Variants in ADAMTSL1 observed in about 807,000 individuals in gnomAD.
ADAMTSL1 encodes the protein ADAMTS-like protein 1.
ADAMTSL1 carries 126 observed loss-of-function variants against 201.8 expected under a neutral mutation model. The ratio of observed to expected loss-of-function variants is 0.62; its 90% CI spans 0.54 to 0.72. The LOEUF (loss-of-function observed/expected upper bound fraction) is 0.72, where lower values mean the gene tolerates loss of function less well. ADAMTSL1 is among the 30% of genes least tolerant of loss of function. The pLI is 0.00. For missense variants in ADAMTSL1, 2,679 were observed against 2,277.8 expected (o/e 1.18, Z -3.59); for synonymous variants, 1,121 against 903.4 (o/e 1.24, Z -4.32).
chr9:18,527,711 T>C (rs1819174333), intron 2 of ADAMTSL1, among the ~76,000 whole-genome samples: 1 of 152,156 alleles, frequency 6.6e-6, no homozygotes. Context: ...ACTAATCTCT[T>C]AAGTGAATTA....
chr9:18,408,189 C>A (rs542181636), intron 2 of ADAMTSL1, among the ~76,000 whole-genome samples: 2 of 152,222 alleles, frequency 1.3e-5, no homozygotes, highest in African/African-American at 4.8e-5. Flanking sequence ...ATATTAAGGG[C>A]CAGGCGCTGT....
intron 2 of ADAMTSL1, among the ~76,000 whole-genome samples, chr9:18,393,653 GC>G (rs1817625625): frequency 6.6e-6 from 1 of 152,182 alleles, no homozygotes; most frequent in African/African-American, 2.4e-5. Flanking sequence ...GGTGGCAAGG[GC>G]TAAGGCAATT....
intron 14 of ADAMTSL1, among the ~76,000 whole-genome samples, chr9:18,714,454 A>G (rs1587963664): frequency 6.6e-6 from 1 of 152,160 alleles, no homozygotes; most frequent in Non-Finnish European, 1.5e-5. Context: ...ACCATCAGAG[A>G]ATACTACAAA....
intron 1 of ADAMTSL1, among the ~76,000 whole-genome samples, chr9:17,945,293 A>G (rs77097913): frequency 0.13 from 14,958 of 119,162 alleles, 962 homozygotes; most frequent in South Asian, 0.19. Context: ...TTAGAATGGC[A>G]ATCATTAAAA....
intron 2 of ADAMTSL1, among the ~76,000 whole-genome samples, chr9:18,506,139 G>T (rs1364768099): frequency 6.6e-6 from 1 of 152,188 alleles, no homozygotes; most frequent in Non-Finnish European, 1.5e-5. Context: ...TTACCAGCAG[G>T]TTTGTTTGTC....
At chr9:18,066,157 G>A (rs891161628) in intron 1 of ADAMTSL1, among the ~76,000 whole-genome samples, 2 of 152,070 alleles carry the variant, frequency 1.3e-5, no homozygotes, top group Non-Finnish European at 2.9e-5. Flanking sequence ...CATAAATCCC[G>A]AAAACAATTT....
intron 2 of ADAMTSL1, among the ~76,000 whole-genome samples, chr9:18,277,200 A>C (rs1375391573): frequency 6.6e-6 from 1 of 152,212 alleles, no homozygotes; most frequent in African/African-American, 2.4e-5. Flanking sequence ...TTCACTTGAA[A>C]ATAATATGTA....
At chr9:18,305,819 G>A (rs4439225) in intron 2 of ADAMTSL1, among the ~76,000 whole-genome samples, 37,015 of 152,036 alleles carry the variant, frequency 0.24, 5,251 homozygotes, top group Admixed American at 0.43. Context: ...TGGCCTTGAA[G>A]AGAGCAGTGG....
At chr9:18,120,927 C>T (rs770564967) in intron 1 of ADAMTSL1, among the ~76,000 whole-genome samples, 7 of 152,046 alleles carry the variant, frequency 4.6e-5, no homozygotes, top group Non-Finnish European at 8.8e-5. Context: ...CACCCTCCAC[C>T]CTAACCCCTT....
rs1246388028 is a variant in ADAMTSL1, at chr9:18,356,527, T to TAA, written c.208-148279_208-148278dup. ...GGGGGACACAGTGAGACCCTGTCTT[T>TAA]AAAAAAAAAAAAAAAAAAAAAAAAG... On this transcript the variant is annotated intron_variant, in intron 2 of 29. Coordinates refer to the ADAMTSL1 transcript ENST00000680146. 1.0e-3 allele frequency among the ~76,000 whole-genome samples: 81 copies of TAA among 79,466 alleles called. 1 individual carries two copies. The highest frequency in any genetic ancestry group is 8.4e-3 in the South Asian group (16 of 1,906). 52.1% of individuals were successfully genotyped at this position (79,466 alleles called of 152,430 possible).
At chr9:18,832,009 G>C (rs1825012725) in intron 23 of ADAMTSL1, among the ~76,000 whole-genome samples, 1 of 152,178 alleles carries the variant, frequency 6.6e-6, no homozygotes, top group Admixed American at 6.5e-5. Context: ...TGAGCCCCAA[G>C]ATGAAAAATG....
At chr9:18,633,814 T>C (rs1826934585) in intron 5 of ADAMTSL1, among the ~76,000 whole-genome samples, 1 of 152,128 alleles carries the variant, frequency 6.6e-6, no homozygotes, top group Non-Finnish European at 1.5e-5. Context: ...CTCGATAATG[T>C]AACCTCTCCA....
chr9:18,197,688 T>G (rs927783635), intron 2 of ADAMTSL1, among the ~76,000 whole-genome samples: 6 of 151,040 alleles, frequency 4.0e-5, no homozygotes, highest in Non-Finnish European at 5.9e-5. Flanking sequence ...TCCTGCCTAA[T>G]TGCCCTGGCC....
At chr9:18,270,887 T>G (rs13289416) in intron 2 of ADAMTSL1, among the ~76,000 whole-genome samples, 11,421 of 152,204 alleles carry the variant, frequency 0.075, 492 homozygotes, top group African/African-American at 0.097. Context: ...GATACATCTT[T>G]TGCATAGTCT....
chr9:18,202,518 ACT>A (rs1829491728), intron 2 of ADAMTSL1, among the ~76,000 whole-genome samples: 2 of 152,076 alleles, frequency 1.3e-5, no homozygotes, highest in South Asian at 4.2e-4. Context: ...TTACTTAAAG[ACT>A]CTCTGCCCAC....
intron 1 of ADAMTSL1, among the ~76,000 whole-genome samples, chr9:18,117,464 GCT>G (rs1469306027): frequency 6.6e-6 from 1 of 152,180 alleles, no homozygotes; most frequent in African/African-American, 2.4e-5. Context: ...GGACTGGAGA[GCT>G]CTTCCTCCAG....
chr9:18,725,980 G>C (rs1237545950), intron 15 of ADAMTSL1, among the ~76,000 whole-genome samples: 1 of 152,100 alleles, frequency 6.6e-6, no homozygotes, highest in Admixed American at 6.5e-5. Context: ...CATTGATTTA[G>C]ACCTACTCTG....
intron 23 of ADAMTSL1, among the ~76,000 whole-genome samples, chr9:18,830,362 C>T (rs1407869063): frequency 1.3e-5 from 2 of 152,190 alleles, no homozygotes; most frequent in African/African-American, 4.8e-5. Flanking sequence ...GATCCCCTGC[C>T]ACCTAAACTA....
chr9:18,629,813 T>G (rs78885515), intron 5 of ADAMTSL1, among the ~76,000 whole-genome samples: 79,216 of 151,574 alleles, frequency 0.52, 21,060 homozygotes, highest in East Asian at 0.66. Flanking sequence ...TGGAATTGAA[T>G]ATATTTATTC....
Sources: allele counts gnomAD v4.1 joint callset (sites outside exome capture counted in the v4.1 genomes callset), GRCh38; gene constraint gnomAD v4.1.1; transcripts MANE v1.5; gene names NCBI Gene and HGNC (gene_info 2026-07-23, HGNC 2026-07-21).